The following C6orf118 variants were observed in gnomAD, a reference collection of about 807,000 sequenced individuals.
The protein encoded by C6orf118 is uncharacterized protein C6orf118.
C6orf118 carries 50 observed loss-of-function variants against 50.2 expected under a neutral mutation model. The observed-to-expected ratio is 1.00, with a 90% CI of 0.79 to 1.26. C6orf118 has a LOEUF of 1.26. C6orf118 is among the 50% of genes most tolerant of loss of function. The pLI, the probability that C6orf118 is intolerant of heterozygous loss-of-function variation, is 0.00. For synonymous variants in C6orf118, 239 were observed against 230.9 expected (o/e 1.03, Z -0.32); for missense variants, 641 against 578.7 (o/e 1.11, Z -1.10).
chr6:165,305,096 A>G (rs113081506), intron 1 of C6orf118, among the ~76,000 whole-genome samples: 80 of 64,688 alleles, frequency 1.2e-3, no homozygotes, highest in East Asian at 1.7e-3. Flanking sequence ...CAGTAACCAA[A>G]ACAGCATGGT....
Position 165,301,912 on chromosome 6 carries a change from G to A in C6orf118, c.410C>T (p.Ser137Phe), listed in dbSNP as rs770750890. The change falls in exon 2 of 9, where the codon TCT (serine) becomes TTT (phenylalanine). Residue 137 changes from serine to phenylalanine, a missense_variant. By Grantham distance (155) the Ser-to-Phe change is radical. Transcript: ENST00000230301. ...PLFRYLNPQA[S>F]LSHTSEEDFL... ...ATCCTCCTCTGAAGTGTGGGAAAGAGAGGCCTGGGGGTTCAGGTACCTGAA... is the reference window on the plus strand; with the variant it reads ...ATCCTCCTCTGAAGTGTGGGAAAGAAAGGCCTGGGGGTTCAGGTACCTGAA... 1.7e-5 allele frequency: 28 copies of A among 1,613,914 alleles called. No individual in the cohort carries two copies. The East Asian group carries it at 5.6e-4, about 32-fold the overall frequency.
At chr6:165,281,571 T>C in intron 8 of C6orf118, 69 bp downstream of exon 8, 1 of 1,457,300 alleles carries the variant, frequency 6.9e-7, no homozygotes, top group South Asian at 1.4e-5. Flanking sequence ...TCATGCTTAT[T>C]ACACAGGACA....
chr6:165,300,266 G>T, intron 3 of C6orf118, 98 bp downstream of exon 3: 2 of 1,437,560 alleles, frequency 1.4e-6, no homozygotes, highest in Non-Finnish European at 1.9e-6. Flanking sequence ...GGGGGCCTGT[G>T]ATACCTAGCA....
intron 2 of C6orf118, 60 bp from the exon 3 acceptor site, chr6:165,300,546 A>G: frequency 1.9e-6 from 3 of 1,543,012 alleles, no homozygotes; most frequent in Non-Finnish European, 2.6e-6. Flanking sequence ...CCAGAACCGA[A>G]TTTCTCAGGA....
chr6:165,300,518 G>A, intron 2 of C6orf118, 32 bp from the exon 3 acceptor site: 1 of 1,588,332 alleles, frequency 6.3e-7, no homozygotes, highest in South Asian at 1.1e-5. Flanking sequence ...CCCATTTCAG[G>A]GTGGCTTCAT....
At chr6:165,306,865 A>G (rs374524002) in intron 1 of C6orf118, among the ~76,000 whole-genome samples, 1 of 152,164 alleles carries the variant, frequency 6.6e-6, no homozygotes, top group East Asian at 1.9e-4. Context: ...ATATGCCATG[A>G]ATCCCCATCG....
chr6:165,299,344 A>G, intron 4 of C6orf118, 99 bp downstream of exon 4: 1 of 1,006,700 alleles, frequency 9.9e-7, no homozygotes, highest in Non-Finnish European at 1.6e-6. Context: ...TATGGGGCAC[A>G]CATGGGGCTT....
intron 5 of C6orf118, among the ~76,000 whole-genome samples, chr6:165,297,455 C>T (rs533090072): frequency 6.6e-6 from 1 of 150,416 alleles, no homozygotes; most frequent in East Asian, 2.0e-4. Context: ...CAACAGTTCT[C>T]TGTCTTCTGG....
At chr6:165,307,147 T>C (rs1474834393) in intron 1 of C6orf118, among the ~76,000 whole-genome samples, 1 of 152,196 alleles carries the variant, frequency 6.6e-6, no homozygotes, top group Non-Finnish European at 1.5e-5. Flanking sequence ...AAATTTAGTA[T>C]TAAACATTTT....
intron 1 of C6orf118, among the ~76,000 whole-genome samples, chr6:165,307,300 T>C (rs1780774098): frequency 7.6e-6 from 1 of 131,054 alleles, no homozygotes; most frequent in Non-Finnish European, 1.5e-5. Flanking sequence ...GACTCACGCC[T>C]GTAATCTCAG....
intron 7 of C6orf118, among the ~76,000 whole-genome samples, chr6:165,289,062 G>A (rs1030706418): frequency 6.0e-5 from 9 of 151,254 alleles, no homozygotes; most frequent in Admixed American, 3.3e-4. Context: ...AAACCATAGC[G>A]TTTCCTCTAT....
intron 6 of C6orf118, among the ~76,000 whole-genome samples, chr6:165,292,956 CAG>C (rs1009459967): frequency 6.6e-6 from 1 of 152,140 alleles, no homozygotes; most frequent in Non-Finnish European, 1.5e-5. Context: ...TATCTAAAAA[CAG>C]AGTATGAGTG....
In C6orf118 at chr6:165,298,118, A is replaced by G. The variant is rs2128161607; in HGVS notation, c.937-17T>C. On this transcript the variant is annotated splice_polypyrimidine_tract_variant and intron_variant, in intron 4 of 8. Coordinates refer to ENST00000230301, the MANE Select transcript of C6orf118 (RefSeq NM_144980.4). The stretch of plus-strand genomic sequence containing the variant: ...CAGAAGAGCCTAGGCAGGACCAGGT[A>G]CATGAGGTGAGACAAGCACACAGGG... 6.4e-7 allele frequency: 1 copy of G among 1,562,248 alleles called. No individual in the cohort carries two copies. Among genetic ancestry groups the G allele is most frequent in the Non-Finnish European group, 8.6e-7 (1 of 1,160,098 alleles).
chr6:165,306,528 G>T (rs559468507), intron 1 of C6orf118, among the ~76,000 whole-genome samples: 5 of 112,392 alleles, frequency 4.4e-5, no homozygotes, highest in Admixed American at 1.0e-4. Context: ...GAATTTCTAG[G>T]TGAATGCAAA....
chr6:165,283,908 A>G (rs1255243382), intron 7 of C6orf118, among the ~76,000 whole-genome samples: 1 of 152,222 alleles, frequency 6.6e-6, no homozygotes, highest in Non-Finnish European at 1.5e-5. Context: ...AAAAAACCAG[A>G]GTGCCTCTTC....
chr6:165,283,082 T>C (rs1464389651), intron 7 of C6orf118, among the ~76,000 whole-genome samples: 1 of 151,896 alleles, frequency 6.6e-6, no homozygotes, highest in Non-Finnish European at 1.5e-5. Context: ...GCAGCTGCTG[T>C]CAGCAGCTCC....
chr6:165,306,837 C>T (rs1760480599), intron 1 of C6orf118, among the ~76,000 whole-genome samples: 1 of 152,152 alleles, frequency 6.6e-6, no homozygotes, highest in Non-Finnish European at 1.5e-5. Context: ...CCACTTCTGT[C>T]TGCCACATTC....
intron 1 of C6orf118, among the ~76,000 whole-genome samples, chr6:165,307,146 A>C (rs531662088): frequency 6.6e-4 from 100 of 152,200 alleles, no homozygotes; most frequent in Non-Finnish European, 1.1e-3. Flanking sequence ...AAAATTTAGT[A>C]TTAAACATTT....
At chr6:165,299,258 A>T (rs1780424766) in intron 4 of C6orf118, among the ~76,000 whole-genome samples, 185 bp downstream of exon 4, 1 of 152,254 alleles carries the variant, frequency 6.6e-6, no homozygotes, top group Non-Finnish European at 1.5e-5. Flanking sequence ...AATCAAAAGG[A>T]AAGTTCTTTA....
Sources: gnomAD v4.1 joint callset for allele counts (sites outside exome capture counted in the v4.1 genomes callset) on GRCh38, gnomAD v4.1.1 for gene constraint, MANE v1.5 for transcripts, NCBI Gene and HGNC (gene_info 2026-07-23, HGNC 2026-07-21) for gene names.